ARHGAP44: variants seen among roughly 807,000 people sequenced by gnomAD.
ARHGAP44 encodes the protein rho GTPase-activating protein 44.
Under a neutral mutation model 106.8 loss-of-function variants are expected in ARHGAP44, and 43 were observed. That is an observed-to-expected ratio of 0.40 (90% CI 0.32 to 0.52). The LOEUF (loss-of-function observed/expected upper bound fraction) is 0.52, where lower values mean the gene tolerates loss of function less well. Ranked by LOEUF, ARHGAP44 falls within the 20% of genes least tolerant of loss-of-function variation. ARHGAP44 has a pLI of 0.48. For missense variants in ARHGAP44, 866 were observed against 1,050.5 expected (o/e 0.82, Z 2.43); for synonymous variants, 439 against 410.3 (o/e 1.07, Z -0.85).
At chr17:12,845,294 G>T (rs1356277117) in intron 1 of ARHGAP44, among the ~76,000 whole-genome samples, 1 of 152,056 alleles carries the variant, frequency 6.6e-6, no homozygotes, top group Non-Finnish European at 1.5e-5. Flanking sequence ...TGGATCACAA[G>T]ATCAAGAGAT....
chr17:12,960,942 C>A (rs887680467), intron 16 of ARHGAP44, among the ~76,000 whole-genome samples: 8 of 152,170 alleles, frequency 5.3e-5, no homozygotes, highest in African/African-American at 1.9e-4. Context: ...CTAGACAGTG[C>A]ATTGGAACTT....
At chr17:12,794,453 C>A (rs751780872) in intron 1 of ARHGAP44, among the ~76,000 whole-genome samples, 7 of 152,158 alleles carry the variant, frequency 4.6e-5, no homozygotes, top group Non-Finnish European at 7.3e-5. Context: ...TAATGTTGGC[C>A]TCCTAAGTAG....
At position 12,958,361 on chromosome 17, in the gene ARHGAP44, A is replaced by G. The variant is rs1172296938; in HGVS notation, c.1343-356A>G. ...AATGGTGTTAAGTAATGGTAGTGGT[A>G]GTGAGCATTGCCATTTCTCCTGATT... is the stretch of plus-strand genomic sequence containing the variant. On this transcript the variant is annotated intron_variant, in intron 15 of 20. Coordinates refer to ENST00000379672, the MANE Select transcript of ARHGAP44 (RefSeq NM_014859.6). This position sits in a 1 kb window ranked among gnomAD's most constrained non-coding sequence, Gnocchi z 4.1. Among the ~76,000 whole-genome samples the G allele has an allele frequency of 6.6e-6, 1 of 152,168 alleles. No homozygotes were observed. The highest frequency in any genetic ancestry group is 2.4e-5 in the African/African-American group (1 of 41,448).
At chr17:12,932,581 A>T (rs2038432344) in intron 7 of ARHGAP44, among the ~76,000 whole-genome samples, 1 of 152,216 alleles carries the variant, frequency 6.6e-6, no homozygotes, top group African/African-American at 2.4e-5. Context: ...TTCTACACAA[A>T]AGTTAAATGA....
intron 10 of ARHGAP44, among the ~76,000 whole-genome samples, chr17:12,946,440 G>A (rs1446472669): frequency 6.8e-6 from 1 of 147,740 alleles, no homozygotes; most frequent in Non-Finnish European, 1.5e-5. Flanking sequence ...GAGCCCAGGA[G>A]TTCAAGACCA....
chr17:12,960,713 G>A lies in ARHGAP44; in HGVS notation c.1523+1816G>A, dbSNP rs1202154307. ...CGAGTAGCTGGGATTACAGGCAGGA[G>A]CCACCATGCCTGGCTAATTTTTGTA... On this transcript the variant is annotated intron_variant, in intron 16 of 20. Coordinates refer to ENST00000379672, the MANE Select transcript of ARHGAP44 (RefSeq NM_014859.6). Among the ~76,000 whole-genome samples, 7 of 152,128 alleles carry A rather than the reference G, an allele frequency of 4.6e-5. No individual in the cohort carries two copies. The East Asian group carries it at 1.2e-3, about 26-fold the overall frequency.
At chr17:12,883,049 C>G (rs1052259223) in intron 1 of ARHGAP44, among the ~76,000 whole-genome samples, 1 of 151,498 alleles carries the variant, frequency 6.6e-6, no homozygotes, top group Non-Finnish European at 1.5e-5. Context: ...CTTCTGTTTT[C>G]TTTTTGGAAT....
At position 12,856,097 on chromosome 17, in the gene ARHGAP44, G is replaced by A. The variant is rs114785564; in HGVS notation, c.54-38843G>A. 9.8e-3 allele frequency among the ~76,000 whole-genome samples: 1,493 copies of A among 152,310 alleles called. 29 individuals are homozygous for A. Among genetic ancestry groups the A allele is most frequent in the African/African-American group, 0.034 (1,409 of 41,566 alleles). On this transcript the variant is annotated intron_variant, in intron 1 of 20. Coordinates refer to ENST00000379672, the MANE Select transcript of ARHGAP44 (RefSeq NM_014859.6). ...GAGATAAACCACTGTTGGGAGCCAAGGCTTCTCCATAGCTGAGGGGCCACA... is the reference window on the plus strand; with the variant it reads ...GAGATAAACCACTGTTGGGAGCCAAAGCTTCTCCATAGCTGAGGGGCCACA...
intron 4 of ARHGAP44, among the ~76,000 whole-genome samples, chr17:12,912,866 C>T (rs1204739552): frequency 6.6e-6 from 1 of 152,172 alleles, no homozygotes; most frequent in East Asian, 1.9e-4. Context: ...TACGTGGCCT[C>T]AGAAATTGAC....
In ARHGAP44 at chr17:12,990,562, T is replaced by TAAA. The variant is rs1313169599; in HGVS notation, c.*391_*392insAAA. On this transcript the variant is annotated 3_prime_UTR_variant, in exon 21 of 21. Coordinates refer to ENST00000379672, the MANE Select transcript of ARHGAP44 (RefSeq NM_014859.6). ...GTTAGACCCAAGGGCTGCTACCTTT[T>TAAA]CCTTGGACGGCTCATGTCAGGTCTT... is the stretch of plus-strand genomic sequence containing the variant. 1 of 181,472 alleles carries TAAA rather than the reference T, an allele frequency of 5.5e-6. No individual in the cohort carries two copies. The highest frequency in any genetic ancestry group is 2.3e-5 in the African/African-American group (1 of 43,486). The allele number at this position is 181,472 out of a possible 1,614,324, so 11.2% of individuals were successfully genotyped here. A position where few individuals can be genotyped will look rare whatever the true frequency, so the allele number is the denominator to read the frequency against.
Position 12,990,880 on chromosome 17 carries a change from T to TGACA in ARHGAP44, c.*711_*714dup, listed in dbSNP as rs1489697701. ...ATCTATAAAACAAAACAAACAAGCC[T>TGACA]GACAGTGTCTGGAGGAGCCAAAGGT... is the stretch of plus-strand genomic sequence containing the variant. On this transcript the variant is annotated 3_prime_UTR_variant, in exon 21 of 21. Transcript: ENST00000379672. The TGACA allele has an allele frequency of 2.0e-5, 3 of 152,448 alleles. No individual in the cohort carries two copies. Among genetic ancestry groups the TGACA allele is most frequent in the Admixed American group, 2.0e-4 (3 of 15,280 alleles). 9.4% of individuals were successfully genotyped at this position (152,448 alleles called of 1,614,324 possible).
At chr17:12,981,713 T>C (rs1457845556) in intron 19 of ARHGAP44, among the ~76,000 whole-genome samples, 1 of 151,610 alleles carries the variant, frequency 6.6e-6, no homozygotes, top group Non-Finnish European at 1.5e-5. Flanking sequence ...CCTCTTTGTT[T>C]TAGAGTCCTT....
rs142455568 is a variant in ARHGAP44 at position 12,882,569 on chromosome 17, A to G, written c.54-12371A>G. ...CTCTCCCCAAGGGCATGTTTTTAAC[A>G]TGTTTCCAGTAAGAATAATGTTTTA... On this transcript the variant is annotated intron_variant, in intron 1 of 20. Coordinates refer to ENST00000379672, the MANE Select transcript of ARHGAP44 (RefSeq NM_014859.6). Among the ~76,000 whole-genome samples, 732 of 152,238 alleles carry G rather than the reference A, an allele frequency of 4.8e-3. 5 individuals are homozygous for G. The highest frequency in any genetic ancestry group is 0.017 in the African/African-American group (701 of 41,586).
At chr17:12,844,914 C>A (rs1033747676) in intron 1 of ARHGAP44, among the ~76,000 whole-genome samples, 1 of 152,100 alleles carries the variant, frequency 6.6e-6, no homozygotes, top group Non-Finnish European at 1.5e-5. Context: ...GCAGAACTGA[C>A]GTGTACTTTT....
intron 1 of ARHGAP44, among the ~76,000 whole-genome samples, chr17:12,793,267 A>C (rs902998799): frequency 1.3e-5 from 2 of 152,238 alleles, no homozygotes; most frequent in African/African-American, 4.8e-5. Flanking sequence ...GGTAGCTACA[A>C]GTATCTCTGG....
chr17:12,904,570 C>T (rs2037492018), intron 3 of ARHGAP44, among the ~76,000 whole-genome samples: 1 of 152,156 alleles, frequency 6.6e-6, no homozygotes, highest in Non-Finnish European at 1.5e-5. Context: ...ATTTTGTCAT[C>T]TTCATTCAAT....
At chr17:12,939,474 T>A (rs1019873451) in intron 7 of ARHGAP44, among the ~76,000 whole-genome samples, 1 of 152,140 alleles carries the variant, frequency 6.6e-6, no homozygotes, top group Non-Finnish European at 1.5e-5. Flanking sequence ...TTTTATTTTT[T>A]TTTTATTTTG....
intron 7 of ARHGAP44, among the ~76,000 whole-genome samples, chr17:12,934,699 T>TC (rs35631993): frequency 0.72 from 109,767 of 151,966 alleles, 39,829 homozygotes; most frequent in Admixed American, 0.78. Context: ...GAAATTATTC[T>TC]TAGGATACTA....
At chr17:12,970,365 CAAAA>C (rs66577680) in intron 16 of ARHGAP44, among the ~76,000 whole-genome samples, 19 of 55,194 alleles carry the variant, frequency 3.4e-4, no homozygotes, top group African/African-American at 9.3e-4. Flanking sequence ...GACCCTGTCT[CAAAA>C]AAAAAAAAAA....
Sources: gnomAD v4.1 joint callset for allele counts (sites outside exome capture counted in the v4.1 genomes callset) on GRCh38, gnomAD v4.1.1 for gene constraint, Gnocchi (gnomAD v3.1) non-coding constraint, MANE v1.5 for transcripts, NCBI Gene and HGNC (gene_info 2026-07-23, HGNC 2026-07-21) for gene names.